The following ICA1L variants were observed in gnomAD, a reference collection of about 807,000 sequenced individuals.
The protein encoded by ICA1L is islet cell autoantigen 1-like protein.
ICA1L carries 50 observed loss-of-function variants against 61.3 expected under a neutral mutation model. The observed-to-expected ratio is 0.82, with a 90% confidence interval of 0.65 to 1.03. The LOEUF is 1.03. Among genes scored for constraint, ICA1L ranks in the 50% least tolerant of loss-of-function variants. The probability of loss-of-function intolerance (pLI) is 0.00; values close to 1 mark genes in which losing one functional copy is unlikely to be tolerated. For missense variants in ICA1L, 508 were observed against 556.7 expected (o/e 0.91, Z 0.88); for synonymous variants, 161 against 191.3 (o/e 0.84, Z 1.31).
At chr2:202,784,554 A>G (rs1692518807) in intron 12 of ICA1L, among the ~76,000 whole-genome samples, 1 of 152,226 alleles carries the variant, frequency 6.6e-6, no homozygotes, top group Non-Finnish European at 1.5e-5. Context: ...AATGAATTAT[A>G]TCTCAGTAAG....
chr2:202,779,445 T>C lies in ICA1L; in HGVS notation c.*88A>G. ...TATTCACAAACACCGTGCTTTTGTG[T>C]GCGGGTTACAATCTAAATCCTTTCC... On this transcript the variant is annotated 3_prime_UTR_variant, in exon 13 of 13. Transcript: ENST00000358299. 1 of 752,536 alleles carries C rather than the reference T, an allele frequency of 1.3e-6. No homozygotes were observed. Among genetic ancestry groups the C allele is most frequent in the East Asian group, 2.6e-5 (1 of 38,212 alleles). The allele number at this position is 752,536 out of a possible 1,614,324, so 46.6% of individuals were successfully genotyped here. A position where few individuals can be genotyped will look rare whatever the true frequency, so the allele number is the denominator to read the frequency against.
chr2:202,788,545 A>C (rs915986883), intron 11 of ICA1L, among the ~76,000 whole-genome samples: 1 of 152,084 alleles, frequency 6.6e-6, no homozygotes, highest in African/African-American at 2.4e-5. Context: ...CCTAGGTAGG[A>C]GTAATTAGCA....
At chr2:202,794,345 CAAA>C (rs202022262) in intron 10 of ICA1L, among the ~76,000 whole-genome samples, 3 of 90,944 alleles carry the variant, frequency 3.3e-5, no homozygotes, top group Admixed American at 1.3e-4. Flanking sequence ...GACTCCATCT[CAAA>C]AAAAAAAAAA....
At chr2:202,828,279 A>C (rs918559211) in intron 2 of ICA1L, among the ~76,000 whole-genome samples, 86 of 142,408 alleles carry the variant, frequency 6.0e-4, no homozygotes, top group Non-Finnish European at 6.1e-5. Flanking sequence ...AAAAAAAAAA[A>C]ACAGACTTTT....
chr2:202,791,207 T>G (rs1692738064), intron 10 of ICA1L, among the ~76,000 whole-genome samples: 1 of 152,190 alleles, frequency 6.6e-6, no homozygotes, highest in South Asian at 2.1e-4. Flanking sequence ...TGGTTTATTG[T>G]GTGGAACAAT....
chr2:202,848,251 C>T lies in ICA1L; in HGVS notation c.-7-19235G>A, dbSNP rs188081963. Among the ~76,000 whole-genome samples the T allele has an allele frequency of 5.1e-3, 774 of 152,278 alleles. 24 individuals are homozygous for T. The highest frequency in any genetic ancestry group is 0.049 in the Admixed American group (748 of 15,286). Reference sequence around the variant, plus strand: ...GTGCTAGGATTACAGGCGTGAGCCACCGCGCCCAGCCAAACAGCATATTTT... The same window carrying T: ...GTGCTAGGATTACAGGCGTGAGCCATCGCGCCCAGCCAAACAGCATATTTT... On this transcript the variant is annotated intron_variant, in intron 1 of 12. Transcript: ENST00000358299.
chr2:202,793,163 TA>T (rs1692807090), intron 10 of ICA1L, among the ~76,000 whole-genome samples: 2 of 151,948 alleles, frequency 1.3e-5, no homozygotes, highest in African/African-American at 4.8e-5. Flanking sequence ...CTGTTAAAAA[TA>T]AAAAGAAATT....
At chr2:202,841,270 G>A in intron 1 of ICA1L, 1 of 737,016 alleles carries the variant, frequency 1.4e-6, no homozygotes, top group Non-Finnish European at 2.5e-6. Context: ...TCTTCCACCA[G>A]CCCTGGCATG....
chr2:202,827,498 T>A (rs1248877647), intron 2 of ICA1L, among the ~76,000 whole-genome samples: 3 of 152,222 alleles, frequency 2.0e-5, no homozygotes, highest in Non-Finnish European at 2.9e-5. Flanking sequence ...TTTATTTTTA[T>A]AATAAAACTG....
intron 1 of ICA1L, among the ~76,000 whole-genome samples, chr2:202,864,312 C>T (rs1052697217): frequency 5.3e-5 from 8 of 151,872 alleles, no homozygotes; most frequent in South Asian, 4.1e-4. Context: ...GGCGCAATCT[C>T]GGCTCACTGC....
chr2:202,776,488 C>T lies in ICA1L; in HGVS notation c.*3045G>A, dbSNP rs950755983. 6.6e-6 allele frequency: 1 copy of T among 152,112 alleles called. No homozygotes were observed. Among genetic ancestry groups the T allele is most frequent in the East Asian group, 1.9e-4 (1 of 5,200 alleles). The allele number at this position is 152,112 out of a possible 1,614,324, so 9.4% of individuals were successfully genotyped here. A position where few individuals can be genotyped will look rare whatever the true frequency, so the allele number is the denominator to read the frequency against. On this transcript the variant is annotated 3_prime_UTR_variant, in exon 13 of 13. Coordinates refer to ENST00000358299, the MANE Select transcript of ICA1L (RefSeq NM_001288622.3). ...TATCTAGATTGAGACAAAAAGCAAC[C>T]AGTCATTCTCTGTTCTGTGCTTATC...
chr2:202,832,395 C>T (rs569679107), intron 1 of ICA1L, among the ~76,000 whole-genome samples: 1 of 146,776 alleles, frequency 6.8e-6, no homozygotes, highest in African/African-American at 2.6e-5. Flanking sequence ...TGCAGTGAGC[C>T]ACTGCACTCC....
intron 1 of ICA1L, among the ~76,000 whole-genome samples, chr2:202,830,249 A>G (rs1693977086): frequency 6.6e-6 from 1 of 152,140 alleles, no homozygotes; most frequent in Non-Finnish European, 1.5e-5. Context: ...CTCTACTAAA[A>G]TACAAAAAAT....
At position 202,853,674 on chromosome 2, in the gene ICA1L, C is replaced by T. The variant is rs189142393; in HGVS notation, c.-8+17945G>A. On this transcript the variant is annotated intron_variant, in intron 1 of 12. Transcript: ENST00000358299. ...AACAAATTTACAAGAAAAAAAAACC[C>T]CATCAAAAAGTGGGCAAAGAATATG... is the stretch of plus-strand genomic sequence containing the variant. Among the ~76,000 whole-genome samples the T allele has an allele frequency of 3.0e-3, 463 of 152,090 alleles. 1 individual carries two copies. Among genetic ancestry groups the T allele is most frequent in the Non-Finnish European group, 4.8e-3 (323 of 67,992 alleles).
chr2:202,835,265 C>CT (rs1471185784), intron 1 of ICA1L, among the ~76,000 whole-genome samples: 1 of 134,744 alleles, frequency 7.4e-6, no homozygotes, highest in Non-Finnish European at 1.5e-5. Flanking sequence ...GTTGCCTAGG[C>CT]TGGAGTGCAG....
chr2:202,819,505 G>A (rs1693636272), intron 5 of ICA1L, 196 bp downstream of exon 5: 3 of 570,292 alleles, frequency 5.3e-6, no homozygotes, highest in South Asian at 4.4e-5. Context: ...AAGGTAGATG[G>A]TGTGAAGATG....
intron 9 of ICA1L, among the ~76,000 whole-genome samples, chr2:202,811,315 C>T (rs1289380569): frequency 4.6e-5 from 7 of 151,886 alleles, no homozygotes; most frequent in South Asian, 4.2e-4. Context: ...GGGTGAATTT[C>T]GCCTGATAAA....
intron 7 of ICA1L, among the ~76,000 whole-genome samples, chr2:202,815,323 A>G (rs1247614119): frequency 6.6e-6 from 1 of 152,232 alleles, no homozygotes; most frequent in Non-Finnish European, 1.5e-5. Context: ...CCTATCACAA[A>G]TACCACATCC....
chr2:202,858,896 T>C (rs1170185357), intron 1 of ICA1L, among the ~76,000 whole-genome samples: 2 of 152,226 alleles, frequency 1.3e-5, no homozygotes, highest in Non-Finnish European at 2.9e-5. Flanking sequence ...GTACACTCTA[T>C]GAAGTTCATA....
Sources: allele counts gnomAD v4.1 joint callset (sites outside exome capture counted in the v4.1 genomes callset), GRCh38; gene constraint gnomAD v4.1.1; transcripts MANE v1.5; gene names NCBI Gene and HGNC (gene_info 2026-07-23, HGNC 2026-07-21).